Variants in BLNK observed in about 807,000 individuals in gnomAD.
The protein encoded by BLNK is B cell linker.
In BLNK, 29 loss-of-function variants were observed where a neutral mutation model predicts 73.5. The observed-to-expected ratio is 0.39, with a 90% CI of 0.29 to 0.54. The LOEUF (loss-of-function observed/expected upper bound fraction) is 0.54. BLNK is among the 20% of genes least tolerant of loss of function. The pLI is 0.61. For synonymous variants in BLNK, 176 were observed against 200.8 expected (o/e 0.88, Z 1.04); for missense variants, 460 against 562.8 (o/e 0.82, Z 1.85).
At chr10:96,201,414 A>T (rs1301274320) in intron 13 of BLNK, among the ~76,000 whole-genome samples, 1 of 152,208 alleles carries the variant, frequency 6.6e-6, no homozygotes, top group Non-Finnish European at 1.5e-5. Flanking sequence ...ATGTAAACTA[A>T]TGCCACTCTT....
At chr10:96,225,642 ATT>A (rs1370370295) in intron 5 of BLNK, among the ~76,000 whole-genome samples, 25 of 138,834 alleles carry the variant, frequency 1.8e-4, no homozygotes, top group Admixed American at 2.2e-4. Flanking sequence ...GAAGAGTGTG[ATT>A]TTTTTTTTTT....
At chr10:96,237,946 G>T (rs1554905422) in intron 3 of BLNK, among the ~76,000 whole-genome samples, 2 of 152,230 alleles carry the variant, frequency 1.3e-5, no homozygotes, top group African/African-American at 2.4e-5. Flanking sequence ...AGATATGTCT[G>T]TGAAGAGCTT....
chr10:96,249,045 C>G (rs184838930), intron 1 of BLNK, among the ~76,000 whole-genome samples: 129 of 152,272 alleles, frequency 8.5e-4, no homozygotes, highest in African/African-American at 2.7e-3. Context: ...CGTGGTTCTT[C>G]CCTGAAAGAG....
intron 3 of BLNK, among the ~76,000 whole-genome samples, chr10:96,237,687 A>T (rs2134065704): frequency 2.0e-5 from 3 of 152,332 alleles, no homozygotes; most frequent in Admixed American, 2.0e-4. Context: ...AGGAACTGGG[A>T]AGCGAGTTCT....
At chr10:96,228,678 C>A (rs1554903293) in intron 4 of BLNK, among the ~76,000 whole-genome samples, 1 of 152,232 alleles carries the variant, frequency 6.6e-6, no homozygotes, top group African/African-American at 2.4e-5. Flanking sequence ...CTGCTTCTCA[C>A]CGCAGAGGCA....
At chr10:96,244,029 A>G (rs73316899) in intron 2 of BLNK, among the ~76,000 whole-genome samples, 2,860 of 152,336 alleles carry the variant, frequency 0.019, 91 homozygotes, top group African/African-American at 0.062. Context: ...TGATTAAAAA[A>G]TGCACACAAA....
At chr10:96,243,679 C>A (rs1554906850) in intron 2 of BLNK, among the ~76,000 whole-genome samples, 3 of 152,110 alleles carry the variant, frequency 2.0e-5, no homozygotes, top group Non-Finnish European at 1.5e-5. Flanking sequence ...GCTTTAGTAC[C>A]TTTATGCACA....
chr10:96,209,524 C>T (rs782518126), intron 9 of BLNK, among the ~76,000 whole-genome samples: 1 of 152,170 alleles, frequency 6.6e-6, no homozygotes, highest in Non-Finnish European at 1.5e-5. Context: ...TCCCAAGTAG[C>T]TGGGATTACA....
chr10:96,270,153 C>T (rs1844207860), intron 1 of BLNK, among the ~76,000 whole-genome samples: 1 of 152,150 alleles, frequency 6.6e-6, no homozygotes, highest in East Asian at 1.9e-4. Flanking sequence ...ACAGCATGTT[C>T]TTGAAATGGT....
chr10:96,267,473 G>A (rs1317307751), intron 1 of BLNK, among the ~76,000 whole-genome samples: 2 of 152,134 alleles, frequency 1.3e-5, no homozygotes, highest in African/African-American at 4.8e-5. Flanking sequence ...TGAAAAGAAG[G>A]TGAATTTGTT....
chr10:96,194,925 C>T (rs1252086226), intron 16 of BLNK, among the ~76,000 whole-genome samples: 4 of 151,394 alleles, frequency 2.6e-5, no homozygotes, highest in Non-Finnish European at 5.9e-5. Flanking sequence ...CACGCGCCAC[C>T]ATGCCCGGCT....
chr10:96,230,594 G>A (rs1448694858), intron 4 of BLNK, among the ~76,000 whole-genome samples, 200 bp downstream of exon 4: 6 of 152,212 alleles, frequency 3.9e-5, no homozygotes, highest in Non-Finnish European at 8.8e-5. Flanking sequence ...GAGGTTATGT[G>A]TGGAAAGCTC....
intron 4 of BLNK, among the ~76,000 whole-genome samples, chr10:96,227,968 G>C (rs1842340243): frequency 6.6e-6 from 1 of 152,128 alleles, no homozygotes; most frequent in South Asian, 2.1e-4. Flanking sequence ...TTAATACGAA[G>C]AGGGTGAGGA....
At chr10:96,207,319 GACC>G (rs1345549081) in intron 10 of BLNK, among the ~76,000 whole-genome samples, 2 of 152,114 alleles carry the variant, frequency 1.3e-5, no homozygotes, top group Non-Finnish European at 2.9e-5. Flanking sequence ...TGGAAATCAT[GACC>G]CCCCCAGCAG....
At chr10:96,209,783 A>G (rs2083905065) in intron 9 of BLNK, 55 bp downstream of exon 9, 1 of 1,594,898 alleles carries the variant, frequency 6.3e-7, no homozygotes, top group Non-Finnish European at 8.6e-7. Flanking sequence ...GCAGTGGGGT[A>G]TCACCATCCT....
In BLNK at chr10:96,227,388, C is replaced by G. The variant is rs2305846; in HGVS notation, c.361+22G>C. ...CCCATGGGCCTGGAAGGCCGAGTGC[C>G]CAGGTCTGCGGGGGACCTCACCTAT... On this transcript the variant is annotated intron_variant, in intron 5 of 16. Coordinates refer to ENST00000224337, the MANE Select transcript of BLNK (RefSeq NM_013314.4). The G allele has an allele frequency of 0.44, 709,447 of 1,610,770 alleles. 158,311 individuals carry two copies. The highest frequency in any genetic ancestry group is 0.51 in the South Asian group (45,998 of 91,042).
At position 96,189,493 on chromosome 10, in the gene BLNK, T is replaced by C; in HGVS notation, c.*2480A>G. 1.6e-6 allele frequency: 1 copy of C among 634,672 alleles called. No homozygotes were observed. Among genetic ancestry groups the C allele is most frequent in the Non-Finnish European group, 2.9e-6 (1 of 340,078 alleles). 39.3% of individuals were successfully genotyped at this position (634,672 alleles called of 1,614,324 possible). ...CCACCTTTTTCTATACTTGCTTGCA[T>C]TTTTGATTTAATGTCTTCTACAGAA... On this transcript the variant is annotated 3_prime_UTR_variant, in exon 17 of 17. Transcript: ENST00000224337.
At chr10:96,198,317 G>T (rs1554895204) in intron 15 of BLNK, among the ~76,000 whole-genome samples, 1 of 152,178 alleles carries the variant, frequency 6.6e-6, no homozygotes, top group Non-Finnish European at 1.5e-5. Flanking sequence ...AGTGCTTGCA[G>T]AAGAAAAACA....
chr10:96,257,891 T>C (rs1554911633), intron 1 of BLNK, among the ~76,000 whole-genome samples: 2 of 152,240 alleles, frequency 1.3e-5, no homozygotes, highest in African/African-American at 4.8e-5. Flanking sequence ...AGGGGACAGA[T>C]ATAGGCAGAC....
Sources: allele counts gnomAD v4.1 joint callset (sites outside exome capture counted in the v4.1 genomes callset), GRCh38; gene constraint gnomAD v4.1.1; transcripts MANE v1.5; gene names NCBI Gene and HGNC (gene_info 2026-07-23, HGNC 2026-07-21).